Variants in CNIH3 observed in about 807,000 individuals in gnomAD.
The protein encoded by CNIH3 is protein cornichon homolog 3.
Under a neutral mutation model 24.1 loss-of-function variants are expected in CNIH3, and 14 were observed. The observed-to-expected ratio is 0.58, with a 90% CI of 0.38 to 0.91. The LOEUF is 0.91. Ranked by LOEUF, CNIH3 falls within the 40% of genes least tolerant of loss-of-function variation. The pLI, the probability that CNIH3 is intolerant of heterozygous loss-of-function variation, is 0.00. For synonymous variants in CNIH3, 68 were observed against 73.8 expected (o/e 0.92, Z 0.40); for missense variants, 178 against 196.8 (o/e 0.90, Z 0.57).
At chr1:224,556,498 G>A (rs1006392794) in intron 3 of CNIH3, among the ~76,000 whole-genome samples, 1 of 152,070 alleles carries the variant, frequency 6.6e-6, no homozygotes, top group Admixed American at 6.6e-5. Context: ...GACCCTCTAG[G>A]CCAGCAATTC....
chr1:224,689,589 G>A (rs956825668), intron 3 of CNIH3, among the ~76,000 whole-genome samples: 1 of 152,154 alleles, frequency 6.6e-6, no homozygotes, highest in Non-Finnish European at 1.5e-5. Context: ...GGGATGGCGG[G>A]GAGGGTTAAT....
intron 3 of CNIH3, among the ~76,000 whole-genome samples, chr1:224,556,296 T>C (rs1680138146): frequency 6.6e-6 from 1 of 152,168 alleles, no homozygotes. Flanking sequence ...TCTCATCCTG[T>C]CTGTGGTACT....
rs578249570 is a variant in CNIH3 at position 224,485,897 on chromosome 1, A to G, written n.204-29844A>G. Among the ~76,000 whole-genome samples, 202 of 152,280 alleles carry G rather than the reference A, an allele frequency of 1.3e-3. 1 individual carries two copies. Among genetic ancestry groups the G allele is most frequent in the Non-Finnish European group, 2.5e-3 (171 of 68,018 alleles). On this transcript the variant is annotated intron_variant and non_coding_transcript_variant, in intron 1 of 5. Transcript: ENST00000471578. ...AAACTTCAGTTTTCTAATGCTTCTGATTTGGGAACACTGGGAACTTGTTTT... is the reference window on the plus strand; with the variant it reads ...AAACTTCAGTTTTCTAATGCTTCTGGTTTGGGAACACTGGGAACTTGTTTT...
rs902778745 is a variant in CNIH3 at position 224,643,124 on chromosome 1, G to C, written c.81+25869G>C. Among the ~76,000 whole-genome samples, 4 of 152,128 alleles carry C rather than the reference G, an allele frequency of 2.6e-5. No individual in the cohort carries two copies. In the East Asian group the frequency reaches 7.7e-4, roughly 29 times the overall value. On this transcript the variant is annotated intron_variant, in intron 1 of 5. Transcript: ENST00000272133. ...CGTGTGTTTGGAGTGTATGCACTTT[G>C]GTATTCACTTTGTATTCCTGTCCTC...
intron 1 of CNIH3, among the ~76,000 whole-genome samples, chr1:224,677,784 G>A (rs1686208787): frequency 1.3e-5 from 2 of 152,198 alleles, no homozygotes; most frequent in African/African-American, 2.4e-5. Flanking sequence ...AGCAGGACTG[G>A]GGTTGGGGAT....
In CNIH3 at chr1:224,704,124, G is replaced by A. The variant is rs1473649220; in HGVS notation, c.198+19281G>A. 2.0e-5 allele frequency among the ~76,000 whole-genome samples: 3 copies of A among 152,324 alleles called. No homozygotes were observed. Among genetic ancestry groups the A allele is most frequent in the African/African-American group, 4.8e-5 (2 of 41,554 alleles). ...CACACTGCAGGTAGTAAGGTGCAGGGTGGCAGGTGGAAGGACGGTGTGTGT... is the reference window on the plus strand; with the variant it reads ...CACACTGCAGGTAGTAAGGTGCAGGATGGCAGGTGGAAGGACGGTGTGTGT... On this transcript the variant is annotated intron_variant, in intron 3 of 5. Coordinates refer to ENST00000272133, the MANE Select transcript of CNIH3 (RefSeq NM_152495.2). This position sits in a 1 kb window ranked among gnomAD's most constrained non-coding sequence, Gnocchi z 4.2.
intron 3 of CNIH3, among the ~76,000 whole-genome samples, chr1:224,694,376 T>G (rs1177551436): frequency 1.3e-5 from 2 of 152,166 alleles, no homozygotes; most frequent in African/African-American, 4.8e-5. Context: ...GTCAGGGACT[T>G]TAGGTTGTGT....
At chr1:224,720,252 C>CTTTTTTTTTTTTTTT (rs10625559) in intron 3 of CNIH3, among the ~76,000 whole-genome samples, 6 of 142,084 alleles carry the variant, frequency 4.2e-5, no homozygotes, top group Non-Finnish European at 3.1e-5. Flanking sequence ...GGATAGTCAT[C>CTTTTTTTTTTTTTTT]TTTTTTTTTT....
chr1:224,480,659 C>T (rs547916525), intron 1 of CNIH3, among the ~76,000 whole-genome samples: 5 of 152,240 alleles, frequency 3.3e-5, no homozygotes, highest in East Asian at 1.9e-4. Context: ...AGGGCAGGGG[C>T]GAAATGCTGC....
At chr1:224,663,749 A>G (rs1307392823) in intron 1 of CNIH3, among the ~76,000 whole-genome samples, 1 of 152,218 alleles carries the variant, frequency 6.6e-6, no homozygotes, top group Non-Finnish European at 1.5e-5. Context: ...CCAGATGCAG[A>G]TGTCACATTT....
At chr1:224,573,183 T>C (rs112731543) in intron 4 of CNIH3, among the ~76,000 whole-genome samples, 119 of 152,308 alleles carry the variant, frequency 7.8e-4, no homozygotes, top group African/African-American at 2.8e-3. Context: ...TCATCAAAGA[T>C]TTGTTAATTT....
At position 224,620,374 on chromosome 1, in the gene CNIH3, A is replaced by G. The variant is rs992969571; in HGVS notation, c.81+3119A>G. On this transcript the variant is annotated intron_variant, in intron 1 of 5. Transcript: ENST00000272133. ...CATGGACTTGAGCTAGGTCTGTGAG[A>G]CTCTTAAGCCTAAGCCCTTTCTCTA... Among the ~76,000 whole-genome samples, 4 of 152,214 alleles carry G rather than the reference A, an allele frequency of 2.6e-5. No individual in the cohort carries two copies. In the South Asian group the frequency reaches 8.3e-4, roughly 32 times the overall value.
chr1:224,716,707 A>G (rs981694420), intron 3 of CNIH3, among the ~76,000 whole-genome samples: 3 of 152,138 alleles, frequency 2.0e-5, no homozygotes, highest in African/African-American at 7.2e-5. Context: ...AGGCACTGTG[A>G]TGGAGAGGAG....
intron 3 of CNIH3, among the ~76,000 whole-genome samples, chr1:224,714,865 T>C (rs1688344585): frequency 6.6e-6 from 1 of 152,212 alleles, no homozygotes; most frequent in Non-Finnish European, 1.5e-5. Flanking sequence ...GTTGTTTGCA[T>C]TCCACAACTT....
chr1:224,661,839 C>T (rs897687585), intron 1 of CNIH3: 13 of 200,966 alleles, frequency 6.5e-5, no homozygotes, highest in East Asian at 4.3e-4. Flanking sequence ...TAATATCCTC[C>T]GGTAAGGCAT....
chr1:224,706,306 C>T (rs1687806424), intron 3 of CNIH3, among the ~76,000 whole-genome samples: 1 of 152,096 alleles, frequency 6.6e-6, no homozygotes, highest in African/African-American at 2.4e-5. Context: ...GCTCTTGATT[C>T]CCACTTTACT....
chr1:224,667,256 C>A (rs1453013478), intron 1 of CNIH3, among the ~76,000 whole-genome samples: 1 of 152,126 alleles, frequency 6.6e-6, no homozygotes, highest in East Asian at 1.9e-4. Flanking sequence ...ATCTTTGTGT[C>A]TTGGGGCAAG....
At chr1:224,485,156 G>A (rs998793447) in intron 1 of CNIH3, among the ~76,000 whole-genome samples, 7 of 152,250 alleles carry the variant, frequency 4.6e-5, no homozygotes, top group East Asian at 1.9e-4. Context: ...CCTGCCCTTC[G>A]TTCATAAACT....
intron 3 of CNIH3, among the ~76,000 whole-genome samples, chr1:224,722,497 G>C (rs958560892): frequency 6.6e-6 from 1 of 152,016 alleles, no homozygotes. Context: ...GCTTTGATTC[G>C]GTAGGTCTGG....
Sources: allele counts gnomAD v4.1 joint callset (sites outside exome capture counted in the v4.1 genomes callset), GRCh38; gene constraint gnomAD v4.1.1; non-coding constraint Gnocchi (gnomAD v3.1); transcripts MANE v1.5; gene names NCBI Gene and HGNC (gene_info 2026-07-23, HGNC 2026-07-21).